Variants in ZFPM1 observed in about 807,000 individuals in gnomAD.
The protein encoded by ZFPM1 is zinc finger protein ZFPM1.
Under a neutral mutation model 46.3 loss-of-function variants are expected in ZFPM1, and 28 were observed. The ratio of observed to expected loss-of-function variants is 0.60; its 90% confidence interval spans 0.45 to 0.83. The LOEUF (loss-of-function observed/expected upper bound fraction) is 0.83. Ranked by LOEUF, ZFPM1 falls within the 40% of genes least tolerant of loss-of-function variation. ZFPM1 has a pLI of 0.00. For missense variants in ZFPM1, 1,878 were observed against 1,432.4 expected (o/e 1.31, Z -5.02); for synonymous variants, 957 against 675.9 (o/e 1.42, Z -6.45).
In ZFPM1 at chr16:88,526,912, G is replaced by A. The variant is rs1475282611; in HGVS notation, c.501G>A (p.Arg167=). 6.4e-7 allele frequency: 1 copy of A among 1,572,568 alleles called. No individual in the cohort carries two copies. Among genetic ancestry groups the A allele is most frequent in the East Asian group, 2.3e-5 (1 of 42,658 alleles). ...TEAEANTEIH[R]KDDALWCRVT... The stretch of plus-strand genomic sequence containing the variant: ...CCGAGGCCAACACAGAGATCCACAG[G>A]AAGGGTCAGTATGACGCGGCACCTC... Residue 167 remains arginine, a synonymous_variant, in exon 5 of 10, where the codon AGG becomes AGA. Coordinates refer to ENST00000319555, the MANE Select transcript of ZFPM1 (RefSeq NM_153813.3).
Position 88,516,145 on chromosome 16 carries a change from A to T in ZFPM1, c.402+1625A>T, listed in dbSNP as rs868399666. On this transcript the variant is annotated intron_variant, in intron 4 of 9. Transcript: ENST00000319555. ...AACTGAGGCTCCAAGATGTTAAGTC[A>T]ATTGCCCAAATACCCAGGATCAAAC... is the stretch of plus-strand genomic sequence containing the variant. The T allele has an allele frequency of 7.4e-4, 294 of 398,618 alleles. 1 individual carries two copies. The Middle Eastern group carries it at 0.016, about 21-fold the overall frequency. The allele number at this position is 398,618 out of a possible 1,614,324, so 24.7% of individuals were successfully genotyped here.
chr16:88,460,100 G>A (rs978040358), intron 1 of ZFPM1, among the ~76,000 whole-genome samples: 1 of 151,986 alleles, frequency 6.6e-6, no homozygotes, highest in Non-Finnish European at 1.5e-5. Flanking sequence ...CTCTTGGGCT[G>A]GGGCTTCCCT....
At chr16:88,522,835 C>G (rs1213090214) in intron 4 of ZFPM1, among the ~76,000 whole-genome samples, 2 of 152,194 alleles carry the variant, frequency 1.3e-5, no homozygotes, top group Admixed American at 6.5e-5. Flanking sequence ...CTGTGGCACC[C>G]TGGGAGGGAA....
Position 88,485,923 on chromosome 16 carries a change from C to T in ZFPM1, c.41-16C>T, listed in dbSNP as rs1743146746. The T allele has an allele frequency of 2.5e-6, 4 of 1,611,772 alleles. No homozygotes were observed. Among genetic ancestry groups the T allele is most frequent in the Non-Finnish European group, 2.5e-6 (3 of 1,179,032 alleles). On this transcript the variant is annotated splice_polypyrimidine_tract_variant and intron_variant, in intron 1 of 9. Transcript: ENST00000319555. ...CCCAGAGCTCCTCCCGAACCCCCAT[C>T]GTCTTGTGTCCACAGGTTCCCTCGG...
intron 4 of ZFPM1, among the ~76,000 whole-genome samples, chr16:88,523,879 C>T (rs966058308): frequency 8.5e-5 from 13 of 152,218 alleles, no homozygotes; most frequent in South Asian, 2.1e-4. Flanking sequence ...CCAGGCGCCC[C>T]GTCGCGCCCC....
chr16:88,511,593 C>A (rs1910964893), intron 3 of ZFPM1, among the ~76,000 whole-genome samples: 1 of 152,190 alleles, frequency 6.6e-6, no homozygotes, highest in East Asian at 1.9e-4. Context: ...TCAGGAGGCA[C>A]CCCATCTGCC....
intron 3 of ZFPM1, among the ~76,000 whole-genome samples, chr16:88,499,457 A>G (rs35675386): frequency 0.18 from 27,706 of 152,186 alleles, 2,811 homozygotes; most frequent in East Asian, 0.29. Context: ...GAAGCCGGGT[A>G]CAGAGGCCTG....
At chr16:88,491,833 C>G (rs977547277) in intron 3 of ZFPM1, among the ~76,000 whole-genome samples, 2 of 152,190 alleles carry the variant, frequency 1.3e-5, no homozygotes, top group East Asian at 1.9e-4. Context: ...TGGCTACGGC[C>G]TATCAGACCC....
At chr16:88,467,767 T>C (rs1597230995) in intron 1 of ZFPM1, among the ~76,000 whole-genome samples, 1 of 152,010 alleles carries the variant, frequency 6.6e-6, no homozygotes, top group East Asian at 1.9e-4. Context: ...CCCCACCCCC[T>C]AGTTCCATGG....
rs1262541762 is a variant in ZFPM1, at chr16:88,461,052, GC to G, written c.40+7377del. ...CCTGGTGAGGACCGAGGGGCGGGAG[GC>G]CCTGGTGAGGACCCAGGGGCAGAAG... On this transcript the variant is annotated intron_variant, in intron 1 of 9. Transcript: ENST00000319555. Among the ~76,000 whole-genome samples the G allele has an allele frequency of 4.4e-3, 358 of 80,664 alleles. 38 individuals carry two copies. The highest frequency in any genetic ancestry group is 0.012 in the African/African-American group (193 of 16,152). The allele number at this position is 80,664 out of a possible 152,430, so 52.9% of individuals were successfully genotyped here.
intron 3 of ZFPM1, among the ~76,000 whole-genome samples, chr16:88,500,622 T>C (rs1356585863): frequency 6.6e-6 from 1 of 152,252 alleles, no homozygotes; most frequent in Non-Finnish European, 1.5e-5. Flanking sequence ...CTGTTGCCGT[T>C]ACTGGCACCA....
Position 88,483,481 on chromosome 16 carries a change from C to T in ZFPM1, c.41-2458C>T, listed in dbSNP as rs551314813. Among the ~76,000 whole-genome samples the T allele has an allele frequency of 2.0e-5, 3 of 152,352 alleles. No homozygotes were observed. The East Asian group carries it at 5.8e-4, about 29-fold the overall frequency. ...GCACATATGGCCCCCTCTGCCAGAG[C>T]TGTCTTCTCAGGGGCTGGTCTCACA... On this transcript the variant is annotated intron_variant, in intron 1 of 9. Coordinates refer to ENST00000319555, the MANE Select transcript of ZFPM1 (RefSeq NM_153813.3).
At position 88,534,913 on chromosome 16, in the gene ZFPM1, C is replaced by G. The variant is rs775667562; in HGVS notation, c.2955C>G (p.Ser985Arg). The change falls in exon 10 of 10, where the codon AGC (serine) becomes AGG (arginine). Residue 985 changes from serine to arginine, a missense_variant. Physicochemically the swap from Ser to Arg is moderately radical, Grantham distance 110. Coordinates refer to ENST00000319555, the MANE Select transcript of ZFPM1 (RefSeq NM_153813.3). ...YCRLCNIKFS[S>R]LSTFIAHKKY... Reference sequence around the variant, plus strand: ...GTCTTTGCAACATCAAGTTCAGCAGCCTGTCCACCTTCATCGCCCACAAGA... The same window carrying G: ...GTCTTTGCAACATCAAGTTCAGCAGGCTGTCCACCTTCATCGCCCACAAGA... The G allele has an allele frequency of 9.6e-6, 15 of 1,557,446 alleles. No individual in the cohort carries two copies. The highest frequency in any genetic ancestry group is 1.3e-5 in the Non-Finnish European group (15 of 1,154,804).
chr16:88,457,473 G>T (rs1907608653), intron 1 of ZFPM1, among the ~76,000 whole-genome samples: 1 of 152,236 alleles, frequency 6.6e-6, no homozygotes, highest in Non-Finnish European at 1.5e-5. Flanking sequence ...TCCAGGGGCT[G>T]CAGGTCCTGC....
At chr16:88,509,300 C>G (rs1325226457) in intron 3 of ZFPM1, among the ~76,000 whole-genome samples, 1 of 152,270 alleles carries the variant, frequency 6.6e-6, no homozygotes, top group African/African-American at 2.4e-5. Flanking sequence ...CTGGACCCAG[C>G]TGGCCTATGG....
chr16:88,513,859 A>G (rs568269409), intron 3 of ZFPM1, among the ~76,000 whole-genome samples: 10 of 152,178 alleles, frequency 6.6e-5, no homozygotes, highest in East Asian at 1.9e-4. Context: ...CCATCTTCCC[A>G]TGGTCTTTTC....
chr16:88,531,981 C>A, intron 6 of ZFPM1, 21 bp from the exon 7 acceptor site: 1 of 1,578,296 alleles, frequency 6.3e-7, no homozygotes, highest in South Asian at 1.2e-5. Context: ...AGCCTGACCC[C>A]GCCTGCTTCC....
At chr16:88,453,824 C>A in intron 1 of ZFPM1, 146 bp downstream of exon 1, 1 of 436,760 alleles carries the variant, frequency 2.3e-6, no homozygotes, top group Non-Finnish European at 3.1e-6. Context: ...GTGCCAAGCG[C>A]GCCGTAATCT....
chr16:88,465,484 G>A (rs140607907), intron 1 of ZFPM1, among the ~76,000 whole-genome samples: 199 of 152,380 alleles, frequency 1.3e-3, no homozygotes, highest in African/African-American at 4.1e-3. Context: ...GTGGGAGCAC[G>A]GGGCCCTCCT....
Sources: gnomAD v4.1 joint callset for allele counts (sites outside exome capture counted in the v4.1 genomes callset) on GRCh38, gnomAD v4.1.1 for gene constraint, MANE v1.5 for transcripts, NCBI Gene and HGNC (gene_info 2026-07-23, HGNC 2026-07-21) for gene names.